Variants in RPH3A observed in about 807,000 individuals in gnomAD.
RPH3A encodes rabphilin-3A.
RPH3A carries 48 observed loss-of-function variants against 102.2 expected under a neutral mutation model. That is an observed-to-expected ratio of 0.47 (90% confidence interval 0.37 to 0.60). The LOEUF (loss-of-function observed/expected upper bound fraction) is 0.60, where lower values mean the gene tolerates loss of function less well. Ranked by LOEUF, RPH3A falls within the 20% of genes least tolerant of loss-of-function variation. The probability of loss-of-function intolerance (pLI) is 0.00; values close to 1 mark genes in which losing one functional copy is unlikely to be tolerated. For missense variants in RPH3A, 781 were observed against 910.1 expected (o/e 0.86, Z 1.83); for synonymous variants, 310 against 324.3 (o/e 0.96, Z 0.47).
intron 1 of RPH3A, among the ~76,000 whole-genome samples, chr12:112,621,776 C>G (rs1003509344): frequency 4.0e-4 from 61 of 152,026 alleles, no homozygotes; most frequent in African/African-American, 1.5e-3. Context: ...AACAAAAAGA[C>G]AGCAGTAACC....
intron 4 of RPH3A, 21 bp from the exon 5 acceptor site, chr12:112,847,675 C>A: frequency 6.2e-7 from 1 of 1,612,154 alleles, no homozygotes; most frequent in South Asian, 1.1e-5. Context: ...CACCCTCACA[C>A]CTTCCCAAAT....
chr12:112,683,495 G>A (rs1371097523), intron 1 of RPH3A, among the ~76,000 whole-genome samples: 1 of 152,208 alleles, frequency 6.6e-6, no homozygotes, highest in Non-Finnish European at 1.5e-5. Flanking sequence ...GGTGCAGGGA[G>A]TTTATCTGGC....
chr12:112,757,311 G>A (rs1315517651), intron 1 of RPH3A, among the ~76,000 whole-genome samples: 2 of 152,232 alleles, frequency 1.3e-5, no homozygotes, highest in African/African-American at 4.8e-5. Flanking sequence ...GCAAGAGGCT[G>A]AGGTAACAAG....
chr12:112,869,677 C>A, intron 8 of RPH3A, 82 bp from the exon 9 acceptor site: 1 of 1,308,190 alleles, frequency 7.6e-7, no homozygotes, highest in Non-Finnish European at 1.1e-6. Context: ...AGTCAATGAA[C>A]CCCTTTGTAG....
intron 1 of RPH3A, among the ~76,000 whole-genome samples, chr12:112,649,022 C>T (rs1341159142): frequency 6.6e-6 from 1 of 152,154 alleles, no homozygotes; most frequent in Non-Finnish European, 1.5e-5. Flanking sequence ...TTTCATTATG[C>T]TGACCAGATT....
intron 1 of RPH3A, among the ~76,000 whole-genome samples, chr12:112,626,548 G>C (rs2039768227): frequency 6.9e-6 from 1 of 145,330 alleles, no homozygotes; most frequent in African/African-American, 2.5e-5. Context: ...TCATTAAAAA[G>C]TCAGGAAACA....
Position 112,678,318 on chromosome 12 carries a change from A to AGAGAGAGAGAGAGAGAGAG in RPH3A, c.-140+102999_-140+103000insGAGAGAGAGAGAGAGAGAG, listed in dbSNP as rs1566255385. Among the ~76,000 whole-genome samples the AGAGAGAGAGAGAGAGAGAG allele has an allele frequency of 5.3e-4, 65 of 122,546 alleles. 9 individuals are homozygous for AGAGAGAGAGAGAGAGAGAG. Among genetic ancestry groups the AGAGAGAGAGAGAGAGAGAG allele is most frequent in the Admixed American group, 6.2e-4 (8 of 12,832 alleles). The allele number at this position is 122,546 out of a possible 152,430, so 80.4% of individuals were successfully genotyped here. On this transcript the variant is annotated intron_variant, in intron 1 of 21. Coordinates refer to the RPH3A transcript ENST00000543106. ...GAAAGAAAGAAAGAGAGAGAGAGAG[A>AGAGAGAGAGAGAGAGAGAG]AAGAAAGAAAGAAGGAAGGAAGGAA...
chr12:112,806,826 A>G (rs2041474438), intron 2 of RPH3A, among the ~76,000 whole-genome samples: 1 of 152,170 alleles, frequency 6.6e-6, no homozygotes, highest in Non-Finnish European at 1.5e-5. Flanking sequence ...AAATGGCTGT[A>G]TAATGATAAA....
intron 19 of RPH3A, among the ~76,000 whole-genome samples, chr12:112,892,405 G>T (rs958042128): frequency 2.0e-5 from 3 of 152,206 alleles, no homozygotes; most frequent in Non-Finnish European, 4.4e-5. Flanking sequence ...CTGTGGAGCA[G>T]AGAAGGAAGG....
At chr12:112,576,044 C>T (rs1162258231) in intron 1 of RPH3A, among the ~76,000 whole-genome samples, 3 of 152,218 alleles carry the variant, frequency 2.0e-5, no homozygotes, top group Non-Finnish European at 2.9e-5. Context: ...ACGCACCAGG[C>T]GCTGTCTGGA....
intron 10 of RPH3A, chr12:112,874,682 C>T (rs566741428): frequency 5.5e-5 from 9 of 164,640 alleles, no homozygotes; most frequent in African/African-American, 1.9e-4. Flanking sequence ...TGTCATGTGT[C>T]GAGTCTTTAG....
intron 1 of RPH3A, among the ~76,000 whole-genome samples, chr12:112,622,805 A>G (rs2039741356): frequency 7.3e-6 from 1 of 136,414 alleles, no homozygotes; most frequent in African/African-American, 2.8e-5. Context: ...GGGCAGCCAG[A>G]GAGAAAGGTC....
chr12:112,616,218 C>T (rs1341157036), intron 1 of RPH3A, among the ~76,000 whole-genome samples: 1 of 152,228 alleles, frequency 6.6e-6, no homozygotes, highest in Non-Finnish European at 1.5e-5. Flanking sequence ...ATGGTCTCGG[C>T]TCACTGCAAC....
Position 112,841,173 on chromosome 12 carries a change from T to TAAAAAAAAAAAAAAAAAAAA in RPH3A, c.83+4673_83+4692dup, listed in dbSNP as rs11447068. Among the ~76,000 whole-genome samples the TAAAAAAAAAAAAAAAAAAAA allele has an allele frequency of 6.8e-3, 227 of 33,210 alleles. 6 individuals carry two copies. The highest frequency in any genetic ancestry group is 8.0e-3 in the Non-Finnish European group (154 of 19,286). The allele number at this position is 33,210 out of a possible 152,430, so 21.8% of individuals were successfully genotyped here. On this transcript the variant is annotated intron_variant, in intron 4 of 21. Transcript: ENST00000389385. ...GGCAACATAACAAGACCTTGTTTCT[T>TAAAAAAAAAAAAAAAAAAAA]AAAAAAAAAAAAAAAAAAAAAGCCT...
In RPH3A at chr12:112,850,339, T is replaced by C. The variant is rs569109436; in HGVS notation, c.230+2497T>C. On this transcript the variant is annotated intron_variant, in intron 5 of 21. Transcript: ENST00000389385. The stretch of plus-strand genomic sequence containing the variant: ...TAATGGTGAGGTGTTTTTTTTTTAA[T>C]GAGAAAGCTGATTTTTGACACTAGC... Among the ~76,000 whole-genome samples the C allele has an allele frequency of 3.3e-5, 5 of 152,146 alleles. No individual in the cohort carries two copies. In the South Asian group the frequency reaches 1.0e-3, roughly 32 times the overall value.
chr12:112,883,483 C>G, intron 16 of RPH3A, 81 bp downstream of exon 16: 1 of 921,168 alleles, frequency 1.1e-6, no homozygotes, highest in South Asian at 1.4e-5. Context: ...GTGAGGCCCC[C>G]AGGGCTTCAC....
At chr12:112,865,610 GCTGTAGGGGTCA>G (rs1220035412) in intron 6 of RPH3A, 67 bp downstream of exon 6, 1 of 1,535,684 alleles carries the variant, frequency 6.5e-7, no homozygotes, top group African/African-American at 1.5e-5. Flanking sequence ...CTAGGCTCCA[GCTGTAGGGGTCA>G]CTGGGTCTTG....
chr12:112,825,546 G>C (rs1406049651), intron 2 of RPH3A, among the ~76,000 whole-genome samples: 1 of 152,030 alleles, frequency 6.6e-6, no homozygotes, highest in Non-Finnish European at 1.5e-5. Context: ...CCTTACTCTT[G>C]GTGGGACCTT....
intron 2 of RPH3A, among the ~76,000 whole-genome samples, chr12:112,815,867 A>G (rs910862514): frequency 3.3e-5 from 5 of 152,186 alleles, no homozygotes; most frequent in Admixed American, 1.3e-4. Context: ...TAGCTGGGGC[A>G]GAGATAAGCC....
Sources: allele counts gnomAD v4.1 joint callset (sites outside exome capture counted in the v4.1 genomes callset), GRCh38; gene constraint gnomAD v4.1.1; transcripts MANE v1.5; gene names NCBI Gene and HGNC (gene_info 2026-07-23, HGNC 2026-07-21).